The following AP5Z1 variants were observed in gnomAD, a reference collection of about 807,000 sequenced individuals.
The protein encoded by AP5Z1 is adaptor related protein complex 5 subunit zeta 1.
AP5Z1 carries 106 observed loss-of-function variants against 83.0 expected under a neutral mutation model. That is an observed-to-expected ratio of 1.28 (90% CI 1.09 to 1.50). AP5Z1 has a LOEUF of 1.50. Among genes scored for constraint, AP5Z1 ranks in the 40% most tolerant of loss-of-function variants. The pLI, the probability that AP5Z1 is intolerant of heterozygous loss-of-function variation, is 0.00. For synonymous variants in AP5Z1, 751 were observed against 514.1 expected, an observed-to-expected ratio of 1.46 and a Z score of -6.23; for missense variants, 1,565 against 1,094.2, an observed-to-expected ratio of 1.43 and a Z score of -6.07.
chr7:4,785,610 T>C lies in AP5Z1; in HGVS notation c.1058T>C (p.Leu353Pro). 6.3e-7 allele frequency: 1 copy of C among 1,589,992 alleles called. No individual in the cohort carries two copies. The highest frequency in any genetic ancestry group is 1.8e-5 in the Admixed American group (1 of 56,982). Residue 353 changes from leucine (L) to proline (P), a missense_variant, in exon 9 of 17, where the codon CTG (leucine) becomes CCG (proline). Leu to Pro is a moderately conservative substitution (Grantham distance 98). Transcript: ENST00000649063. Reference protein sequence around the residue: ...LYRSLSCLKALHGRVRGDPAS... With the variant: ...LYRSLSCLKAPHGRVRGDPAS... ...CGAAGTCTCTCCTGCCTGAAGGCCC[T>C]GCACGGGCGGGTGCGCGGGGACCCG...
Position 4,787,860 on chromosome 7 carries a change from C to T in AP5Z1, c.1454+84C>T, listed in dbSNP as rs1781602046. On this transcript the variant is annotated intron_variant, in intron 11 of 16. Transcript: ENST00000649063. Reference sequence around the variant, plus strand: ...GGCCCCCTCCTCGCTGCTCCTGACCCCTACACCGGGGACCCTCCTTCTTCC... The same window carrying T: ...GGCCCCCTCCTCGCTGCTCCTGACCTCTACACCGGGGACCCTCCTTCTTCC... 4 of 1,437,800 alleles carry T rather than the reference C, an allele frequency of 2.8e-6. No individual in the cohort carries two copies. The African/African-American group carries it at 5.6e-5, about 20-fold the overall frequency. The allele number at this position is 1,437,800 out of a possible 1,614,324, so 89.1% of individuals were successfully genotyped here.
chr7:4,789,517 A>G (rs1233694997), intron 13 of AP5Z1, among the ~76,000 whole-genome samples: 1 of 152,214 alleles, frequency 6.6e-6, no homozygotes, highest in Non-Finnish European at 1.5e-5. Flanking sequence ...GGAGGCCGGC[A>G]GGGGGCTGGG....
At chr7:4,775,925 T>G (rs1583222343) in intron 1 of AP5Z1, among the ~76,000 whole-genome samples, 169 bp downstream of exon 1, 3 of 149,854 alleles carry the variant, frequency 2.0e-5, no homozygotes, top group African/African-American at 4.9e-5. Flanking sequence ...AGGCTTGGGG[T>G]GAGGAGGTCG....
chr7:4,784,159 C>T (rs777854428), intron 5 of AP5Z1, 44 bp from the exon 6 acceptor site: 100 of 1,533,182 alleles, frequency 6.5e-5, no homozygotes, highest in African/African-American at 1.4e-4. Context: ...GCGTTTTTCC[C>T]GGCCTCGGCC....
intron 13 of AP5Z1, 40 bp from the exon 14 acceptor site, chr7:4,789,791 TG>T (rs1781689903): frequency 6.6e-7 from 1 of 1,508,144 alleles, no homozygotes; most frequent in Non-Finnish European, 9.0e-7. Flanking sequence ...GGGCCTGCAG[TG>T]GGGGTGGGGC....
chr7:4,781,680 A>T lies in AP5Z1; in HGVS notation c.292A>T (p.Ser98Cys). Reference protein sequence around the residue: ...AILREMSPSDSLSLAWDHTQN... With the variant: ...AILREMSPSDCLSLAWDHTQN... ...CCTGCGAGAGATGTCCCCCTCTGAC[A>T]GCCTCAGCCTGGCCTGGGACCACAC... Residue 98 changes from serine (S) to cysteine (C), a missense_variant, in exon 3 of 17, where the codon AGC becomes TGC. Physicochemically the swap from Ser to Cys is moderately radical, Grantham distance 112. Coordinates refer to ENST00000649063, the MANE Select transcript of AP5Z1 (RefSeq NM_014855.3). 1 of 1,597,494 alleles carries T rather than the reference A, an allele frequency of 6.3e-7. No individual in the cohort carries two copies. The highest frequency in any genetic ancestry group is 8.6e-7 in the Non-Finnish European group (1 of 1,167,156).
intron 13 of AP5Z1, 86 bp from the exon 14 acceptor site, chr7:4,789,746 C>A: frequency 9.6e-7 from 1 of 1,040,524 alleles, no homozygotes; most frequent in Non-Finnish European, 1.4e-6. Context: ...CTCACCTGCC[C>A]CCCAGCCCTC....
intron 5 of AP5Z1, 81 bp downstream of exon 5, chr7:4,783,879 CG>C (rs1781455810): frequency 7.1e-7 from 1 of 1,402,548 alleles, no homozygotes; most frequent in Admixed American, 2.1e-5. Context: ...CCCACAGCGG[CG>C]AGGCCTGCTG....
chr7:4,790,724 G>A lies in AP5Z1; in HGVS notation c.1990G>A (p.Val664Met), dbSNP rs368416368. The part of the protein sequence containing the change: ...LSVTYDRRCT[V>M]EQINKFFEAL... Reference sequence around the variant, plus strand: ...GGTGACCTACGATCGGAGGTGCACCGTGGAGCAGATCAACAAGTTCTTCGA... The same window carrying A: ...GGTGACCTACGATCGGAGGTGCACCATGGAGCAGATCAACAAGTTCTTCGA... The change falls in exon 16 of 17, where the codon GTG (valine) becomes ATG (methionine). Residue 664 changes from valine to methionine, a missense_variant. Transcript: ENST00000649063. The A allele has an allele frequency of 3.4e-5, 55 of 1,610,780 alleles. No individual in the cohort carries two copies. Among genetic ancestry groups the A allele is most frequent in the Admixed American group, 6.7e-5 (4 of 59,780 alleles).
intron 3 of AP5Z1, among the ~76,000 whole-genome samples, chr7:4,782,924 G>C (rs1486943371): frequency 6.6e-6 from 1 of 152,212 alleles, no homozygotes. Context: ...GGGTGTCTCT[G>C]GTGCTGCTCA....
intron 14 of AP5Z1, 65 bp downstream of exon 14, chr7:4,789,994 C>A (rs1350961354): frequency 4.5e-5 from 31 of 683,666 alleles, no homozygotes; most frequent in Non-Finnish European, 5.8e-5. Context: ...TCCCCCTCTC[C>A]CCTCCCCCCT....
chr7:4,785,795 AG>A (rs1781526308), intron 9 of AP5Z1, 111 bp downstream of exon 9: 1 of 1,337,698 alleles, frequency 7.5e-7, no homozygotes, highest in Non-Finnish European at 9.7e-7. Flanking sequence ...GAATAGAGAC[AG>A]GGGTCTTGCT....
chr7:4,786,452 C>G (rs779765784), intron 10 of AP5Z1, 24 bp downstream of exon 10: 1 of 1,610,542 alleles, frequency 6.2e-7, no homozygotes, highest in Non-Finnish European at 8.5e-7. Flanking sequence ...TCCCTGGGTG[C>G]CAGGGCAGGG....
rs767181747 is a variant in AP5Z1, at chr7:4,785,705, C to T, written c.1132+21C>T. On this transcript the variant is annotated intron_variant, in intron 9 of 16. Coordinates refer to ENST00000649063, the MANE Select transcript of AP5Z1 (RefSeq NM_014855.3). ...CCACGGTGAGCCCAGGGTGGGGTGG[C>T]GCTGACTCGGGGCTCTGCTTCTGCC... 15 of 1,471,372 alleles carry T rather than the reference C, an allele frequency of 1.0e-5. 1 individual carries two copies. The South Asian group carries it at 1.2e-4, about 12-fold the overall frequency. 91.1% of individuals were successfully genotyped at this position (1,471,372 alleles called of 1,614,324 possible). A position where few individuals can be genotyped will look rare whatever the true frequency, so the allele number is the denominator to read the frequency against.
rs1176210295 is a variant in AP5Z1, at chr7:4,790,584, C to T, written c.1931C>T (p.Thr644Ile). 5.0e-6 allele frequency: 8 copies of T among 1,612,900 alleles called. No individual in the cohort carries two copies. In the Admixed American group the frequency reaches 1.2e-4, roughly 24 times the overall value. The stretch of plus-strand genomic sequence containing the variant: ...CTCTGCAGCAGGGCGAGCCTCGTCA[C>T]CAGCGTGGTAAGGCGGGCGCTGGCC... Reference protein sequence around the residue: ...NGLCSRASLVTSVVWAIGEYL... With the variant: ...NGLCSRASLVISVVWAIGEYL... The change falls in exon 15 of 17, where the codon ACC (threonine) becomes ATC (isoleucine). Residue 644 changes from threonine (T) to isoleucine (I), a missense_variant. Physicochemically the swap from Thr to Ile is moderately conservative, Grantham distance 89 (BLOSUM62 -1). Transcript: ENST00000649063.
rs1001483409 is a variant in AP5Z1, at chr7:4,791,746, C to T, written c.*361C>T. On this transcript the variant is annotated 3_prime_UTR_variant, in exon 17 of 17. Coordinates refer to ENST00000649063, the MANE Select transcript of AP5Z1 (RefSeq NM_014855.3). ...GAAGAGCTGCAGTAAAAGTAAATCT[C>T]CTTTAATAAGCGTCTGTATGAAGAG... 6.5e-5 allele frequency: 21 copies of T among 321,218 alleles called. No homozygotes were observed. The highest frequency in any genetic ancestry group is 1.0e-4 in the Non-Finnish European group (18 of 172,836). 19.9% of individuals were successfully genotyped at this position (321,218 alleles called of 1,614,324 possible).
chr7:4,789,770 C>T (rs1164473477), intron 13 of AP5Z1, 62 bp from the exon 14 acceptor site: 2 of 1,398,958 alleles, frequency 1.4e-6, no homozygotes, highest in African/African-American at 1.4e-5. Context: ...ATGGCTTCAC[C>T]CCCAACCTTA....
At position 4,788,157 on chromosome 7, in the gene AP5Z1, A is replaced by C; in HGVS notation, c.1458A>C (p.Ser486=). ...CCTTGGGCGTCTGTCCACGCAGGTC[A>C]GCACCGGCTGCATCCGAGAGGCCAC... ...LTAVLDLQLR[S]APAASERPLW... Residue 486 remains serine (S), a synonymous_variant, in exon 12 of 17, where the codon TCA becomes TCC. Transcript: ENST00000649063. The C allele has an allele frequency of 6.5e-7, 1 of 1,549,968 alleles. No homozygotes were observed. Among genetic ancestry groups the C allele is most frequent in the Non-Finnish European group, 8.7e-7 (1 of 1,147,368 alleles).
At chr7:4,782,849 C>T (rs763604794) in intron 3 of AP5Z1, among the ~76,000 whole-genome samples, 27 of 152,202 alleles carry the variant, frequency 1.8e-4, no homozygotes, top group African/African-American at 4.3e-4. Flanking sequence ...ACCCCCCGCC[C>T]GGCACGTGGC....
Sources: allele counts gnomAD v4.1 joint callset (sites outside exome capture counted in the v4.1 genomes callset), GRCh38; gene constraint gnomAD v4.1.1; transcripts MANE v1.5; gene names NCBI Gene and HGNC (gene_info 2026-07-23, HGNC 2026-07-21).